PREX2: variants seen among roughly 807,000 people sequenced by gnomAD.
The protein encoded by PREX2 is phosphatidylinositol 3,4,5-trisphosphate-dependent Rac exchanger 2 protein.
In PREX2, 107 loss-of-function variants were observed where a neutral mutation model predicts 203.2. The ratio of observed to expected loss-of-function variants is 0.53; its 90% confidence interval spans 0.45 to 0.62. PREX2 has a LOEUF of 0.62. Among genes scored for constraint, PREX2 ranks in the 20% least tolerant of loss-of-function variants. The pLI is 0.00. For synonymous variants in PREX2, 672 were observed against 663.6 expected (o/e 1.01, Z -0.19); for missense variants, 1,777 against 1,955.9 (o/e 0.91, Z 1.72).
chr8:68,054,973 A>G (rs576762036), intron 9 of PREX2, among the ~76,000 whole-genome samples: 5 of 152,292 alleles, frequency 3.3e-5, no homozygotes, highest in East Asian at 3.9e-4. Context: ...CCTCCTAACT[A>G]TTTCTCAACT....
intron 35 of PREX2, among the ~76,000 whole-genome samples, chr8:68,164,378 A>T (rs1320892045): frequency 6.6e-6 from 1 of 151,496 alleles, no homozygotes; most frequent in Non-Finnish European, 1.5e-5. Context: ...ACACACACAC[A>T]TATATATACA....
chr8:67,997,724 A>G (rs939556685), intron 1 of PREX2, among the ~76,000 whole-genome samples: 4 of 152,074 alleles, frequency 2.6e-5, no homozygotes, highest in Non-Finnish European at 4.4e-5. Flanking sequence ...TATTTTTAAG[A>G]TATCAGTTCT....
intron 35 of PREX2, among the ~76,000 whole-genome samples, chr8:68,180,618 A>C (rs1812065652): frequency 6.6e-6 from 1 of 152,076 alleles, no homozygotes; most frequent in Non-Finnish European, 1.5e-5. Context: ...AGAGTAGGTA[A>C]AGCAGGGAAA....
At chr8:67,975,005 C>T (rs1357799326) in intron 1 of PREX2, among the ~76,000 whole-genome samples, 1 of 152,170 alleles carries the variant, frequency 6.6e-6, no homozygotes, top group Non-Finnish European at 1.5e-5. Flanking sequence ...CATACCACTT[C>T]TCAGTGTGGG....
At chr8:68,087,858 G>A (rs896370033) in intron 19 of PREX2, 49 bp downstream of exon 19, 2 of 1,177,424 alleles carry the variant, frequency 1.7e-6, no homozygotes, top group East Asian at 2.3e-5. Context: ...GGTTTGGGAT[G>A]TGCCCGATGG....
intron 35 of PREX2, among the ~76,000 whole-genome samples, chr8:68,178,097 C>T (rs1812017306): frequency 6.6e-6 from 1 of 152,156 alleles, no homozygotes; most frequent in Non-Finnish European, 1.5e-5. Flanking sequence ...CTGCAATGAA[C>T]ATATATGTGC....
intron 33 of PREX2, among the ~76,000 whole-genome samples, chr8:68,144,863 G>T (rs1260809198): frequency 1.3e-5 from 2 of 151,916 alleles, no homozygotes; most frequent in Admixed American, 1.3e-4. Context: ...ATCTTTATTT[G>T]TTCTATGTTA....
rs757535548 is a variant in PREX2 at position 68,156,630 on chromosome 8, A to G, written c.4232-692A>G. 2.6e-5 allele frequency among the ~76,000 whole-genome samples: 4 copies of G among 152,328 alleles called. No homozygotes were observed. The East Asian group carries it at 7.7e-4, about 29-fold the overall frequency. On this transcript the variant is annotated intron_variant, in intron 34 of 39. Coordinates refer to ENST00000288368, the MANE Select transcript of PREX2 (RefSeq NM_024870.4). ...AATAACAGGTATACCTCATGTATAC[A>G]TGGGAGATACCTAAGGAATAGTGAC...
In PREX2 at chr8:68,097,187, A is replaced by G. The variant is rs1810108578; in HGVS notation, c.2539A>G (p.Ser847Gly). 1 of 1,612,286 alleles carries G rather than the reference A, an allele frequency of 6.2e-7. No homozygotes were observed. The highest frequency in any genetic ancestry group is 8.5e-7 in the Non-Finnish European group (1 of 1,178,822). The change falls in exon 22 of 40, where the codon AGC becomes GGC. Residue 847 changes from serine (S) to glycine (G), a missense_variant. By Grantham distance (56) the Ser-to-Gly change is moderately conservative. Transcript: ENST00000288368. ...GATGATTGAGCCCAAAGGTTTCTTC[A>G]GCTTAACTGCCAAGGTAGGAGCGAT... ...EKMIEPKGFFSLTAKILEALA... is the reference protein window; with the variant it reads ...EKMIEPKGFFGLTAKILEALA...
rs182974056 is a variant in PREX2 at position 68,063,465 on chromosome 8, G to T, written c.1339+2686G>T. ...GGAGCCATGCATTAAGGATGGCTGA[G>T]CCTCTGTCAGACCCTAGACCCTGCA... On this transcript the variant is annotated intron_variant, in intron 11 of 39. Coordinates refer to ENST00000288368, the MANE Select transcript of PREX2 (RefSeq NM_024870.4). 1.7e-3 allele frequency among the ~76,000 whole-genome samples: 263 copies of T among 152,202 alleles called. 3 individuals carry two copies. Among genetic ancestry groups the T allele is most frequent in the Non-Finnish European group, 8.4e-4 (57 of 68,016 alleles).
intron 37 of PREX2, among the ~76,000 whole-genome samples, chr8:68,212,783 C>T (rs181789077): frequency 6.6e-6 from 1 of 151,972 alleles, no homozygotes; most frequent in Admixed American, 6.6e-5. Context: ...AAGAGTTTAT[C>T]AAAGCTTTCC....
At chr8:67,954,720 A>G (rs1805446064) in intron 1 of PREX2, among the ~76,000 whole-genome samples, 2 of 152,214 alleles carry the variant, frequency 1.3e-5, no homozygotes, top group Non-Finnish European at 2.9e-5. Flanking sequence ...AATCATTTCT[A>G]TTATTGCTTT....
intron 37 of PREX2, among the ~76,000 whole-genome samples, chr8:68,214,064 A>G (rs1343267637): frequency 6.6e-6 from 1 of 152,216 alleles, no homozygotes; most frequent in Admixed American, 6.5e-5. Context: ...TTAATTGTAA[A>G]ACAGAGTTCA....
chr8:68,166,675 T>C (rs1367081585), intron 35 of PREX2, among the ~76,000 whole-genome samples: 2 of 152,226 alleles, frequency 1.3e-5, no homozygotes, highest in African/African-American at 4.8e-5. Context: ...TGACAAAATA[T>C]ATTCTTCTGT....
At chr8:68,158,972 C>T (rs1275098658) in intron 35 of PREX2, among the ~76,000 whole-genome samples, 2 of 152,040 alleles carry the variant, frequency 1.3e-5, no homozygotes, top group African/African-American at 4.8e-5. Flanking sequence ...AATTTAGTTT[C>T]ATCAGAAGAA....
intron 35 of PREX2, among the ~76,000 whole-genome samples, chr8:68,181,212 G>A (rs1159251452): frequency 6.6e-6 from 1 of 152,088 alleles, no homozygotes; most frequent in East Asian, 1.9e-4. Flanking sequence ...CCTTTGATCG[G>A]TCTGTTCATC....
intron 22 of PREX2, among the ~76,000 whole-genome samples, chr8:68,098,905 G>A (rs1810167243): frequency 1.4e-5 from 2 of 142,602 alleles, no homozygotes; most frequent in South Asian, 4.4e-4. Flanking sequence ...TTCTTGCAAT[G>A]TCTGATTAAT....
At chr8:68,133,026 A>G (rs538394450) in intron 31 of PREX2, among the ~76,000 whole-genome samples, 1 of 152,304 alleles carries the variant, frequency 6.6e-6, no homozygotes, top group South Asian at 2.1e-4. Context: ...TGGGTACTTT[A>G]TAAAGGAAAG....
rs888775903 is a variant in PREX2, at chr8:68,231,954, A to C, written c.*576A>C. 1.6e-4 allele frequency: 24 copies of C among 152,202 alleles called. No individual in the cohort carries two copies. The highest frequency in any genetic ancestry group is 4.6e-4 in the African/African-American group (19 of 41,440). The allele number at this position is 152,202 out of a possible 1,614,324, so 9.4% of individuals were successfully genotyped here. On this transcript the variant is annotated 3_prime_UTR_variant, in exon 40 of 40. Coordinates refer to ENST00000288368, the MANE Select transcript of PREX2 (RefSeq NM_024870.4). Reference sequence around the variant, plus strand: ...AAAGCATGCTTTACTCTTTCTCCTAAGGGCTTATTTCTTATTAGAGGAGAA... The same window carrying C: ...AAAGCATGCTTTACTCTTTCTCCTACGGGCTTATTTCTTATTAGAGGAGAA...
Sources: allele counts gnomAD v4.1 joint callset (sites outside exome capture counted in the v4.1 genomes callset), GRCh38; gene constraint gnomAD v4.1.1; transcripts MANE v1.5; gene names NCBI Gene and HGNC (gene_info 2026-07-23, HGNC 2026-07-21).